The following L3MBTL4 variants were observed in gnomAD, a reference collection of about 807,000 sequenced individuals.
L3MBTL4 encodes the protein L3MBTL histone methyl-lysine binding protein 4.
L3MBTL4 carries 70 observed loss-of-function variants against 84.5 expected under a neutral mutation model. The observed-to-expected ratio is 0.83, with a 90% CI of 0.68 to 1.01. L3MBTL4 has a LOEUF of 1.01. Among genes scored for constraint, L3MBTL4 ranks in the 50% least tolerant of loss-of-function variants. The pLI is 0.00. For missense variants in L3MBTL4, 715 were observed against 754.8 expected (o/e 0.95, Z 0.62); for synonymous variants, 274 against 259.8 (o/e 1.05, Z -0.52).
intron 1 of L3MBTL4, among the ~76,000 whole-genome samples, chr18:6,344,807 A>T (rs1182768052): frequency 6.6e-6 from 1 of 150,640 alleles, no homozygotes; most frequent in Non-Finnish European, 1.5e-5. Flanking sequence ...AAATGCAGAA[A>T]AAGCATTTTT....
chr18:6,148,244 C>G (rs1189274198), intron 13 of L3MBTL4, among the ~76,000 whole-genome samples: 1 of 152,182 alleles, frequency 6.6e-6, no homozygotes, highest in Non-Finnish European at 1.5e-5. Flanking sequence ...ATTTATACCA[C>G]AACCACTTAA....
intron 14 of L3MBTL4, among the ~76,000 whole-genome samples, chr18:6,111,675 G>C (rs1424157672): frequency 6.6e-6 from 1 of 152,158 alleles, no homozygotes; most frequent in Non-Finnish European, 1.5e-5. Flanking sequence ...TCTCTTCTGA[G>C]TGCTGGAACA....
intron 4 of L3MBTL4, among the ~76,000 whole-genome samples, chr18:6,298,009 C>T (rs529220687): frequency 6.6e-6 from 1 of 152,258 alleles, no homozygotes; most frequent in South Asian, 2.1e-4. Context: ...CTATCATATG[C>T]ATAAATGGAA....
chr18:6,167,023 C>A (rs2043701196), intron 13 of L3MBTL4, among the ~76,000 whole-genome samples: 1 of 152,146 alleles, frequency 6.6e-6, no homozygotes, highest in African/African-American at 2.4e-5. Context: ...GAAATACAAA[C>A]TACCATCAGA....
intron 12 of L3MBTL4, among the ~76,000 whole-genome samples, chr18:6,174,503 G>T (rs2044132304): frequency 6.6e-6 from 1 of 152,104 alleles, no homozygotes; most frequent in Non-Finnish European, 1.5e-5. Context: ...AATAATAGGA[G>T]ATTGGAGATG....
intron 3 of L3MBTL4, among the ~76,000 whole-genome samples, chr18:6,307,966 T>C (rs904670497): frequency 1.3e-5 from 2 of 152,232 alleles, no homozygotes; most frequent in Non-Finnish European, 2.9e-5. Flanking sequence ...ACAGCCTGTA[T>C]ATTATTTTGG....
chr18:6,027,250 T>G (rs1443015796), intron 16 of L3MBTL4, among the ~76,000 whole-genome samples: 1 of 152,164 alleles, frequency 6.6e-6, no homozygotes, highest in African/African-American at 2.4e-5. Flanking sequence ...GTGTTCTCAT[T>G]GTTCAACTCC....
At chr18:6,072,253 A>G (rs1421844334) in intron 16 of L3MBTL4, among the ~76,000 whole-genome samples, 1 of 152,164 alleles carries the variant, frequency 6.6e-6, no homozygotes, top group Admixed American at 6.5e-5. Context: ...AAGCAGGAAG[A>G]AATGTATCAG....
At chr18:6,044,210 G>A (rs2056521040) in intron 16 of L3MBTL4, among the ~76,000 whole-genome samples, 1 of 152,198 alleles carries the variant, frequency 6.6e-6, no homozygotes, top group Non-Finnish European at 1.5e-5. Context: ...TAAGTGCTCA[G>A]ATGACTGCTT....
At chr18:6,150,074 T>A (rs1023220629) in intron 13 of L3MBTL4, among the ~76,000 whole-genome samples, 1 of 152,334 alleles carries the variant, frequency 6.6e-6, no homozygotes, top group Admixed American at 6.5e-5. Context: ...TGAACTGTTT[T>A]TCCTCTCTTT....
At chr18:6,072,693 C>T (rs980651012) in intron 16 of L3MBTL4, among the ~76,000 whole-genome samples, 7 of 114,538 alleles carry the variant, frequency 6.1e-5, no homozygotes, top group African/African-American at 1.8e-4. Context: ...CACACACACA[C>T]ACACAAAAAA....
At position 6,365,516 on chromosome 18, in the gene L3MBTL4, T is replaced by G. The variant is rs935940179; in HGVS notation, c.-91+49285A>C. On this transcript the variant is annotated intron_variant, in intron 1 of 18. Coordinates refer to ENST00000317931, the MANE Select transcript of L3MBTL4 (RefSeq NM_001330559.2). ...CATGTCCTATTTGAAAACAGACATT[T>G]TAGCCATCTAAAGAAGAAAATGGTT... is the stretch of plus-strand genomic sequence containing the variant. Among the ~76,000 whole-genome samples the G allele has an allele frequency of 4.6e-5, 7 of 152,236 alleles. 1 individual carries two copies. The highest frequency in any genetic ancestry group is 1.7e-4 in the African/African-American group (7 of 41,460).
At chr18:6,154,015 G>A in intron 13 of L3MBTL4, among the ~76,000 whole-genome samples, 1 of 152,100 alleles carries the variant, frequency 6.6e-6, no homozygotes, top group Non-Finnish European at 1.5e-5. Flanking sequence ...CAGAGACAAT[G>A]TAACTTGTTC....
intron 13 of L3MBTL4, among the ~76,000 whole-genome samples, chr18:6,157,991 G>T (rs957641174): frequency 2.0e-5 from 3 of 152,164 alleles, no homozygotes; most frequent in African/African-American, 7.2e-5. Context: ...TACTAGGCTT[G>T]ACTAGACCAA....
intron 10 of L3MBTL4, among the ~76,000 whole-genome samples, chr18:6,230,438 T>G (rs1416643293): frequency 6.6e-6 from 1 of 152,196 alleles, no homozygotes; most frequent in Non-Finnish European, 1.5e-5. Flanking sequence ...CTGTGTAGTA[T>G]TCCATGGTGA....
intron 12 of L3MBTL4, among the ~76,000 whole-genome samples, chr18:6,176,197 A>G (rs2044218514): frequency 6.6e-6 from 1 of 152,124 alleles, no homozygotes; most frequent in Non-Finnish European, 1.5e-5. Flanking sequence ...ATCATTTGAC[A>G]AGCAGATTCT....
At chr18:6,233,121 C>G (rs556837541) in intron 10 of L3MBTL4, among the ~76,000 whole-genome samples, 3 of 151,816 alleles carry the variant, frequency 2.0e-5, no homozygotes, top group Non-Finnish European at 2.9e-5. Context: ...ATTCAACAAC[C>G]CTTCACGCTA....
chr18:6,061,330 T>C (rs1413783606), intron 16 of L3MBTL4, among the ~76,000 whole-genome samples: 2 of 152,106 alleles, frequency 1.3e-5, no homozygotes, highest in South Asian at 2.1e-4. Flanking sequence ...CTTTGAAAAA[T>C]TGGATTGCTT....
At chr18:6,168,217 G>A (rs2043778301) in intron 13 of L3MBTL4, among the ~76,000 whole-genome samples, 1 of 152,108 alleles carries the variant, frequency 6.6e-6, no homozygotes, top group South Asian at 2.1e-4. Flanking sequence ...CTCATGGGTA[G>A]GAAGAATCAA....
Sources: allele counts gnomAD v4.1 joint callset (sites outside exome capture counted in the v4.1 genomes callset), GRCh38; gene constraint gnomAD v4.1.1; transcripts MANE v1.5; gene names NCBI Gene and HGNC (gene_info 2026-07-23, HGNC 2026-07-21).